Variants in CSNK1A1 observed in about 807,000 individuals in gnomAD.
CSNK1A1 encodes the protein casein kinase I isoform alpha.
CSNK1A1 carries 7 observed loss-of-function variants against 46.1 expected under a neutral mutation model. The ratio of observed to expected loss-of-function variants is 0.15; its 90% CI spans 0.09 to 0.29. The LOEUF is 0.29. Among genes scored for constraint, CSNK1A1 ranks in the 10% least tolerant of loss-of-function variants. The probability of loss-of-function intolerance (pLI) is 1.00; values close to 1 mark genes in which losing one functional copy is unlikely to be tolerated. For missense variants in CSNK1A1, 96 were observed against 417.1 expected (o/e 0.23, Z 6.71); for synonymous variants, 137 against 141.5 (o/e 0.97, Z 0.23).
chr5:149,511,945 C>T, intron 5 of CSNK1A1, 73 bp from the exon 6 acceptor site: 2 of 1,162,312 alleles, frequency 1.7e-6, no homozygotes, highest in East Asian at 2.4e-5. Flanking sequence ...AGTCAAGTAC[C>T]CAGAAGAAAT....
intron 2 of CSNK1A1, among the ~76,000 whole-genome samples, chr5:149,539,445 C>A (rs1477348347): frequency 6.8e-6 from 1 of 146,864 alleles, no homozygotes; most frequent in African/African-American, 2.6e-5. Flanking sequence ...CAGGCCTAGG[C>A]GGCCGAGCAA....
intron 2 of CSNK1A1, among the ~76,000 whole-genome samples, chr5:149,530,481 T>C (rs1055611125): frequency 6.6e-6 from 1 of 152,200 alleles, no homozygotes; most frequent in Non-Finnish European, 1.5e-5. Context: ...TGCTATAATA[T>C]ATCCAATTTT....
intron 2 of CSNK1A1, among the ~76,000 whole-genome samples, chr5:149,539,914 G>A (rs141985309): frequency 2.7e-4 from 41 of 152,256 alleles, no homozygotes; most frequent in Non-Finnish European, 4.9e-4. Flanking sequence ...AAATGAGACC[G>A]TATGCAATGC....
At chr5:149,518,869 A>T (rs1027394543) in intron 4 of CSNK1A1, among the ~76,000 whole-genome samples, 126 of 152,088 alleles carry the variant, frequency 8.3e-4, no homozygotes, top group Non-Finnish European at 3.8e-4. Context: ...ACGTACTGCA[A>T]TGTCAACGAT....
intron 2 of CSNK1A1, among the ~76,000 whole-genome samples, chr5:149,546,417 G>A (rs1175717487): frequency 2.0e-5 from 3 of 152,008 alleles, no homozygotes; most frequent in South Asian, 2.1e-4. Context: ...AGCAGATCAC[G>A]AGGTCAAGAG....
rs1165596885 is a variant in CSNK1A1, at chr5:149,551,070, G to A, written c.-106C>T. 2 of 1,323,102 alleles carry A rather than the reference G, an allele frequency of 1.5e-6. No individual in the cohort carries two copies. Among genetic ancestry groups the A allele is most frequent in the African/African-American group, 1.5e-5 (1 of 68,254 alleles). 82.0% of individuals were successfully genotyped at this position (1,323,102 alleles called of 1,614,324 possible). ...GGCAAGGCTACGGAGGAGGGCGGCAGGAAACGGAACACGGAGGCCTTTACC... is the reference window on the plus strand; with the variant it reads ...GGCAAGGCTACGGAGGAGGGCGGCAAGAAACGGAACACGGAGGCCTTTACC... On this transcript the variant is annotated 5_prime_UTR_variant, in exon 1 of 10. Coordinates refer to ENST00000377843, the MANE Select transcript of CSNK1A1 (RefSeq NM_001892.6).
intron 9 of CSNK1A1, chr5:149,499,310 A>C: frequency 1.9e-6 from 1 of 540,338 alleles, no homozygotes; most frequent in Non-Finnish European, 2.3e-6. Flanking sequence ...AAAAAAGGGG[A>C]GGGGGAGGGG....
intron 7 of CSNK1A1, among the ~76,000 whole-genome samples, chr5:149,508,786 T>C (rs919515141): frequency 6.6e-5 from 10 of 152,246 alleles, no homozygotes; most frequent in Non-Finnish European, 1.5e-4. Context: ...TATAGATTAA[T>C]GAGGTTCTAT....
At chr5:149,515,657 G>A (rs1013083865) in intron 4 of CSNK1A1, among the ~76,000 whole-genome samples, 3 of 152,138 alleles carry the variant, frequency 2.0e-5, no homozygotes, top group African/African-American at 7.2e-5. Context: ...AAAACTATTG[G>A]TGGTTCATTA....
chr5:149,511,409 CA>C (rs1761220709), intron 6 of CSNK1A1, among the ~76,000 whole-genome samples: 1 of 131,038 alleles, frequency 7.6e-6, no homozygotes, highest in Non-Finnish European at 1.5e-5. Flanking sequence ...CTAATAGAAA[CA>C]AAATGTTAGG....
At chr5:149,532,504 C>T (rs1047960351) in intron 2 of CSNK1A1, among the ~76,000 whole-genome samples, 4 of 151,946 alleles carry the variant, frequency 2.6e-5, no homozygotes, top group Non-Finnish European at 5.9e-5. Flanking sequence ...ACCACTCTGG[C>T]CAACATGGTG....
intron 2 of CSNK1A1, among the ~76,000 whole-genome samples, chr5:149,548,890 T>C (rs1762568105): frequency 6.6e-6 from 1 of 152,204 alleles, no homozygotes; most frequent in Non-Finnish European, 1.5e-5. Context: ...AGTACCATTC[T>C]TACCTATTCT....
At chr5:149,499,973 T>TC (rs1270588363) in intron 9 of CSNK1A1, among the ~76,000 whole-genome samples, 70 of 121,754 alleles carry the variant, frequency 5.7e-4, no homozygotes, top group African/African-American at 2.1e-3. Context: ...TTTTCTTTTT[T>TC]TTTTTTTTTT....
intron 2 of CSNK1A1, among the ~76,000 whole-genome samples, chr5:149,539,092 C>T (rs530646352): frequency 6.6e-6 from 1 of 152,172 alleles, no homozygotes. Context: ...GCATCTGAAA[C>T]ATGTGAAGAG....
chr5:149,530,862 AG>A, intron 2 of CSNK1A1, among the ~76,000 whole-genome samples: 1 of 150,008 alleles, frequency 6.7e-6, no homozygotes, highest in East Asian at 2.0e-4. Flanking sequence ...CCTACTCAGG[AG>A]GCTGAGACAG....
chr5:149,501,834 T>G, intron 9 of CSNK1A1: 1 of 976,318 alleles, frequency 1.0e-6, no homozygotes, highest in Non-Finnish European at 1.2e-6. Flanking sequence ...TGAAAAATAC[T>G]TTTTTGATAA....
chr5:149,499,085 A>G (rs1760742657), intron 9 of CSNK1A1: 1 of 985,372 alleles, frequency 1.0e-6, no homozygotes, highest in African/African-American at 1.7e-5. Flanking sequence ...TTGTCCTAAG[A>G]TGTTACTGAA....
intron 2 of CSNK1A1, among the ~76,000 whole-genome samples, chr5:149,527,938 A>G (rs1761772327): frequency 6.6e-6 from 1 of 152,226 alleles, no homozygotes; most frequent in South Asian, 2.1e-4. Flanking sequence ...GTAAAACTAC[A>G]AAAAACAAGC....
intron 2 of CSNK1A1, among the ~76,000 whole-genome samples, chr5:149,534,482 C>CAAAAAAAAAAAAAAAAAAAAA (rs10597922): frequency 2.1e-5 from 2 of 94,980 alleles, no homozygotes; most frequent in African/African-American, 8.5e-5. Context: ...GACTCTGTCT[C>CAAAAAAAAAAAAAAAAAAAAA]AAAAAAAAAA....
Sources: gnomAD v4.1 joint callset for allele counts (sites outside exome capture counted in the v4.1 genomes callset) on GRCh38, gnomAD v4.1.1 for gene constraint, MANE v1.5 for transcripts, NCBI Gene and HGNC (gene_info 2026-07-23, HGNC 2026-07-21) for gene names.